The following NEGR1 variants were observed in gnomAD, a reference collection of about 807,000 sequenced individuals.
NEGR1 encodes neuronal growth regulator 1.
A neutral mutation model predicts 40.9 loss-of-function variants in NEGR1; 10 were observed. That is an observed-to-expected ratio of 0.24 (90% CI 0.15 to 0.42). NEGR1 has a LOEUF of 0.42. NEGR1 is among the 10% of genes least tolerant of loss of function. The probability of loss-of-function intolerance (pLI) is 1.00; values close to 1 mark genes in which losing one functional copy is unlikely to be tolerated. For synonymous variants in NEGR1, 185 were observed against 166.8 expected (o/e 1.11, Z -0.84); for missense variants, 352 against 438.9 (o/e 0.80, Z 1.77).
chr1:71,956,299 T>G (rs866570711), intron 1 of NEGR1, among the ~76,000 whole-genome samples: 24 of 152,284 alleles, frequency 1.6e-4, no homozygotes, highest in Middle Eastern at 6.8e-3. Flanking sequence ...AATAGTTGAA[T>G]AAATTATCTT....
At chr1:71,563,974 C>G (rs1337171064) in intron 6 of NEGR1, among the ~76,000 whole-genome samples, 1 of 151,704 alleles carries the variant, frequency 6.6e-6, no homozygotes, top group East Asian at 1.9e-4. Context: ...AAAAAAAGAC[C>G]AACCTTCCAC....
At chr1:71,536,603 C>A (rs560290509) in intron 6 of NEGR1, among the ~76,000 whole-genome samples, 1 of 151,710 alleles carries the variant, frequency 6.6e-6, no homozygotes, top group Admixed American at 6.6e-5. Context: ...TTTACAGCAA[C>A]ATAAATGGAC....
intron 1 of NEGR1, among the ~76,000 whole-genome samples, chr1:71,993,023 A>G (rs1354517222): frequency 1.3e-5 from 2 of 152,190 alleles, no homozygotes; most frequent in Non-Finnish European, 2.9e-5. Flanking sequence ...ACAAACGAAA[A>G]GAGAGCCATC....
chr1:71,463,139 G>A (rs1385563920), intron 6 of NEGR1, among the ~76,000 whole-genome samples: 1 of 152,104 alleles, frequency 6.6e-6, no homozygotes, highest in Non-Finnish European at 1.5e-5. Context: ...AGCACAGGTT[G>A]GATGCGAGAG....
chr1:71,941,603 G>A (rs1645960123), intron 1 of NEGR1, among the ~76,000 whole-genome samples: 1 of 152,070 alleles, frequency 6.6e-6, no homozygotes, highest in African/African-American at 2.4e-5. Context: ...GTAACAATTT[G>A]TCCAGTGAAC....
intron 1 of NEGR1, among the ~76,000 whole-genome samples, chr1:72,262,699 A>G (rs985308436): frequency 2.0e-5 from 3 of 151,928 alleles, no homozygotes; most frequent in Non-Finnish European, 1.5e-5. Flanking sequence ...ATGAATGTGC[A>G]ATAAAGGTAC....
intron 2 of NEGR1, among the ~76,000 whole-genome samples, chr1:71,916,154 T>C (rs602702): frequency 0.018 from 2,807 of 152,302 alleles, 94 homozygotes; most frequent in African/African-American, 0.065. Context: ...CTGACTACAC[T>C]TCTTCCTACA....
intron 1 of NEGR1, among the ~76,000 whole-genome samples, chr1:72,036,655 CAAAA>C (rs71723530): frequency 6.5e-5 from 7 of 107,944 alleles, no homozygotes; most frequent in Non-Finnish European, 1.0e-4. Context: ...GACTCCATCT[CAAAA>C]AAAAAAAAAA....
intron 1 of NEGR1, among the ~76,000 whole-genome samples, chr1:72,095,532 TAA>T (rs937763590): frequency 1.2e-4 from 19 of 152,274 alleles, no homozygotes; most frequent in Non-Finnish European, 2.2e-4. Flanking sequence ...CTCCTTGTTA[TAA>T]AAGTCTCTGT....
intron 2 of NEGR1, among the ~76,000 whole-genome samples, chr1:71,790,893 G>GA (rs923381164): frequency 6.8e-4 from 103 of 152,118 alleles, no homozygotes; most frequent in African/African-American, 2.5e-3. Context: ...ATTAGCAACT[G>GA]AAAAATGAGA....
At chr1:72,275,051 C>A in intron 1 of NEGR1, 2 of 1,446,474 alleles carry the variant, frequency 1.4e-6, no homozygotes, top group Middle Eastern at 2.1e-4. Context: ...CTCTTGGAAC[C>A]AACTGAGCAG....
At chr1:72,137,426 T>C (rs1650509929) in intron 1 of NEGR1, among the ~76,000 whole-genome samples, 1 of 152,000 alleles carries the variant, frequency 6.6e-6, no homozygotes, top group Non-Finnish European at 1.5e-5. Context: ...TAAAAAAGGA[T>C]GAGTTTGTGT....
intron 3 of NEGR1, among the ~76,000 whole-genome samples, chr1:71,731,544 C>A (rs1208729048): frequency 6.6e-6 from 1 of 152,148 alleles, no homozygotes; most frequent in East Asian, 1.9e-4. Context: ...TGGTTAAGAG[C>A]AATAAGTGGA....
intron 2 of NEGR1, among the ~76,000 whole-genome samples, chr1:71,800,789 C>A (rs1347165078): frequency 6.6e-6 from 1 of 152,110 alleles, no homozygotes; most frequent in African/African-American, 2.4e-5. Context: ...CCACATCATC[C>A]AGTGTTTTAC....
chr1:71,425,380 A>G (rs148039901), intron 6 of NEGR1, among the ~76,000 whole-genome samples: 17 of 152,314 alleles, frequency 1.1e-4, no homozygotes, highest in African/African-American at 3.8e-4. Context: ...AGATGACATT[A>G]TATAATCCTA....
chr1:72,200,281 A>G, intron 1 of NEGR1, among the ~76,000 whole-genome samples: 1 of 152,022 alleles, frequency 6.6e-6, no homozygotes, highest in East Asian at 1.9e-4. Context: ...GCCCATCAGC[A>G]GTGGGCTCGA....
chr1:71,855,216 G>A (rs185047719), intron 2 of NEGR1, among the ~76,000 whole-genome samples: 1 of 152,154 alleles, frequency 6.6e-6, no homozygotes, highest in Admixed American at 6.6e-5. Flanking sequence ...CTGTCAGGTC[G>A]AACTGCAACC....
At chr1:71,874,956 TC>T (rs1398342074) in intron 2 of NEGR1, among the ~76,000 whole-genome samples, 3 of 151,990 alleles carry the variant, frequency 2.0e-5, no homozygotes, top group Admixed American at 6.6e-5. Flanking sequence ...TCAATCCTCC[TC>T]CCTCAGCCTC....
chr1:72,052,948 G>A (rs1647075975), intron 1 of NEGR1, among the ~76,000 whole-genome samples: 1 of 151,364 alleles, frequency 6.6e-6, no homozygotes, highest in Non-Finnish European at 1.5e-5. Flanking sequence ...AGGAAAGCTT[G>A]CTTTGATTTT....
Sources: gnomAD v4.1 joint callset for allele counts (sites outside exome capture counted in the v4.1 genomes callset) on GRCh38, gnomAD v4.1.1 for gene constraint, MANE v1.5 for transcripts, NCBI Gene and HGNC (gene_info 2026-07-23, HGNC 2026-07-21) for gene names.